Variants in HRH2 observed in about 807,000 individuals in gnomAD.
HRH2 encodes histamine H2 receptor.
HRH2 carries 4 observed loss-of-function variants against 20.1 expected under a neutral mutation model. That is an observed-to-expected ratio of 0.20 (90% confidence interval 0.10 to 0.45). The LOEUF (loss-of-function observed/expected upper bound fraction) is 0.45, where lower values mean the gene tolerates loss of function less well. HRH2 is among the 20% of genes least tolerant of loss of function. The pLI is 0.99. For missense variants in HRH2, 250 were observed against 461.6 expected (o/e 0.54, Z 4.20); for synonymous variants, 197 against 200.7 (o/e 0.98, Z 0.16).
intron 1 of HRH2, among the ~76,000 whole-genome samples, chr5:175,673,726 CG>C (rs1396310283): frequency 7.3e-6 from 1 of 137,482 alleles, no homozygotes; most frequent in Non-Finnish European, 1.5e-5. Context: ...TTTTTTTTGA[CG>C]GAGTCTCGCT....
Position 175,683,631 on chromosome 5 carries a change from T to A in HRH2, c.398T>A (p.Val133Asp). Residue 133 changes from valine (V) to aspartate (D), a missense_variant, in exon 2 of 3, where the codon GTT (valine) becomes GAT (aspartate). Val to Asp is a radical substitution (Grantham distance 152). This residue lies in a region of HRH2 where 86 missense variants were observed against 176.4 expected (regional missense o/e 0.49). Transcript: ENST00000636584. The stretch of plus-strand genomic sequence containing the variant: ...CGGTACCCTGTGCTGGTCACCCCAG[T>A]TCGGGTCGCCATCTCTCTGGTCTTA... ...PLRYPVLVTP[V>D]RVAISLVLIW... The A allele has an allele frequency of 6.2e-7, 1 of 1,614,202 alleles. No individual in the cohort carries two copies. The highest frequency in any genetic ancestry group is 8.5e-7 in the Non-Finnish European group (1 of 1,180,038).
chr5:175,707,040 T>C (rs937607461), intron 2 of HRH2, among the ~76,000 whole-genome samples: 2 of 152,192 alleles, frequency 1.3e-5, no homozygotes, highest in African/African-American at 4.8e-5. Context: ...GATTCGGAAA[T>C]GGCACACTTT....
At chr5:175,682,122 T>C (rs1241054817) in intron 1 of HRH2, among the ~76,000 whole-genome samples, 1 of 152,256 alleles carries the variant, frequency 6.6e-6, no homozygotes, top group Non-Finnish European at 1.5e-5. Flanking sequence ...GTCATCTGCA[T>C]AGCTGCATTC....
Position 175,677,259 on chromosome 5 carries a change from G to A in HRH2, c.-525-5450G>A, listed in dbSNP as rs556023637. On this transcript the variant is annotated intron_variant, in intron 1 of 2. Transcript: ENST00000636584. This position sits in a 1 kb window ranked among gnomAD's most constrained non-coding sequence, Gnocchi z 4.2. ...CCACCTCAGCCTCCCAAAATGCTGG[G>A]ACTGCAGGTGTGAATCACTGCGCCC... is the stretch of plus-strand genomic sequence containing the variant. Among the ~76,000 whole-genome samples the A allele has an allele frequency of 3.3e-4, 50 of 152,356 alleles. No individual in the cohort carries two copies. Among genetic ancestry groups the A allele is most frequent in the Non-Finnish European group, 5.6e-4 (38 of 68,040 alleles).
intron 1 of HRH2, among the ~76,000 whole-genome samples, chr5:175,660,716 G>A (rs1762714615): frequency 6.6e-6 from 1 of 152,202 alleles, no homozygotes; most frequent in African/African-American, 2.4e-5. Context: ...AGTAAAATGG[G>A]TGCCACGTAT....
At chr5:175,664,607 C>G (rs562179838) in intron 1 of HRH2, among the ~76,000 whole-genome samples, 2 of 152,204 alleles carry the variant, frequency 1.3e-5, no homozygotes, top group South Asian at 4.1e-4. Context: ...TCTTCAGCAT[C>G]AAGCTGAGGT....
chr5:175,678,636 G>A (rs115029762), intron 1 of HRH2, among the ~76,000 whole-genome samples: 3 of 152,372 alleles, frequency 2.0e-5, no homozygotes, highest in Non-Finnish European at 4.4e-5. Flanking sequence ...GGGTTGCCGT[G>A]ACGCTCGCCC....
At position 175,684,097 on chromosome 5, in the gene HRH2, T is replaced by C. The variant is rs1756083184; in HGVS notation, c.864T>C (p.Tyr288=). The change falls in exon 2 of 3, where the codon TAT becomes TAC. Residue 288 remains tyrosine, a synonymous_variant. Coordinates refer to ENST00000636584, the MANE Select transcript of HRH2 (RefSeq NM_001367711.1). ...ACTCAGCCCTGAACCCCATCCTGTA[T>C]GCTGCGCTGAACAGAGACTTCCGCA... ...YANSALNPIL[Y]AALNRDFRTG... 1.9e-6 allele frequency: 3 copies of C among 1,614,200 alleles called. No individual in the cohort carries two copies. Among genetic ancestry groups the C allele is most frequent in the Non-Finnish European group, 2.5e-6 (3 of 1,180,038 alleles).
intron 2 of HRH2, among the ~76,000 whole-genome samples, chr5:175,688,093 G>A (rs1259532259): frequency 1.3e-5 from 2 of 152,048 alleles, no homozygotes; most frequent in East Asian, 1.9e-4. Flanking sequence ...CCAAGGTCAC[G>A]TCACCTTCTG....
rs1756472678 is a variant in HRH2, at chr5:175,693,984, T to G, written c.1076+9675T>G. 6.6e-6 allele frequency among the ~76,000 whole-genome samples: 1 copy of G among 152,160 alleles called. No individual in the cohort carries two copies. Among genetic ancestry groups the G allele is most frequent in the Non-Finnish European group, 1.5e-5 (1 of 68,034 alleles). On this transcript the variant is annotated intron_variant, in intron 2 of 2. Coordinates refer to ENST00000636584, the MANE Select transcript of HRH2 (RefSeq NM_001367711.1). This position sits in a 1 kb window ranked among gnomAD's most constrained non-coding sequence, Gnocchi z 4.4. ...GAGCTCTGAAGGCTGACCTCCCCAA[T>G]TTGCTGGCTGGCTGACCTGGAGCGA...
intron 2 of HRH2, among the ~76,000 whole-genome samples, chr5:175,692,235 G>C (rs1756407865): frequency 6.6e-6 from 1 of 152,246 alleles, no homozygotes; most frequent in Admixed American, 6.5e-5. Context: ...TAAATGGATG[G>C]AGATGGCTGT....
chr5:175,697,225 A>T (rs1007230669), intron 2 of HRH2, among the ~76,000 whole-genome samples: 3 of 152,138 alleles, frequency 2.0e-5, no homozygotes, highest in African/African-American at 7.2e-5. Context: ...GCACTTTGGC[A>T]GGCCGAGGCG....
intron 2 of HRH2, among the ~76,000 whole-genome samples, chr5:175,690,722 A>G (rs2113533339): frequency 6.6e-6 from 1 of 152,028 alleles, no homozygotes; most frequent in Non-Finnish European, 1.5e-5. Context: ...CGCCCCCCAA[A>G]AGAAACCCTG....
chr5:175,671,895 G>C (rs1462894494), intron 1 of HRH2, among the ~76,000 whole-genome samples: 1 of 152,106 alleles, frequency 6.6e-6, no homozygotes, highest in Non-Finnish European at 1.5e-5. Context: ...CAAACACTTT[G>C]TAAGATAGTA....
intron 2 of HRH2, among the ~76,000 whole-genome samples, chr5:175,705,014 A>G (rs576138445): frequency 6.6e-6 from 1 of 152,102 alleles, no homozygotes; most frequent in Non-Finnish European, 1.5e-5. Flanking sequence ...TGAATTTTGT[A>G]TACTGATCTT....
chr5:175,682,256 A>G (rs147234791), intron 1 of HRH2, among the ~76,000 whole-genome samples: 9 of 152,374 alleles, frequency 5.9e-5, no homozygotes, highest in South Asian at 4.1e-4. Context: ...GCCAAACAGC[A>G]GCACCAGATA....
At chr5:175,660,238 A>G (rs1013948007) in intron 1 of HRH2, among the ~76,000 whole-genome samples, 28 of 152,232 alleles carry the variant, frequency 1.8e-4, no homozygotes, top group African/African-American at 6.8e-4. Context: ...CCAGCAGGCT[A>G]GAGAGGTTCC....
chr5:175,685,605 T>A (rs1207054471), intron 2 of HRH2: 4 of 797,996 alleles, frequency 5.0e-6, no homozygotes, highest in Non-Finnish European at 8.4e-6. Context: ...ACAGCCCTGG[T>A]CTCAGCTCTG....
chr5:175,661,743 T>C (rs1762742460), intron 1 of HRH2, among the ~76,000 whole-genome samples: 1 of 152,178 alleles, frequency 6.6e-6, no homozygotes, highest in Admixed American at 6.5e-5. Flanking sequence ...CATCTCAGGC[T>C]GGACACAGTG....
Sources: allele counts gnomAD v4.1 joint callset (sites outside exome capture counted in the v4.1 genomes callset), GRCh38; gene constraint gnomAD v4.1.1; regional missense constraint gnomAD v4.1.1; non-coding constraint Gnocchi (gnomAD v3.1); transcripts MANE v1.5; gene names NCBI Gene and HGNC (gene_info 2026-07-23, HGNC 2026-07-21).